Variants in SLIT1 observed in about 807,000 individuals in gnomAD.
The protein encoded by SLIT1 is slit guidance ligand 1.
SLIT1 carries 66 observed loss-of-function variants against 186.1 expected under a neutral mutation model. The ratio of observed to expected loss-of-function variants is 0.35; its 90% CI spans 0.29 to 0.44. The LOEUF (loss-of-function observed/expected upper bound fraction) is 0.44. Ranked by LOEUF, SLIT1 falls within the 20% of genes least tolerant of loss-of-function variation. The probability of loss-of-function intolerance (pLI) is 1.00; values close to 1 mark genes in which losing one functional copy is unlikely to be tolerated. For missense variants in SLIT1, 1,638 were observed against 2,037.4 expected (o/e 0.80, Z 3.77); for synonymous variants, 761 against 833.8 (o/e 0.91, Z 1.50).
intron 4 of SLIT1, 139 bp from the exon 5 acceptor site, chr10:97,066,225 C>T (rs1848944561): frequency 1.5e-6 from 1 of 680,824 alleles, no homozygotes; most frequent in Non-Finnish European, 2.7e-6. Flanking sequence ...GCACCTAGGA[C>T]AGTGCCTGGC....
intron 4 of SLIT1, among the ~76,000 whole-genome samples, chr10:97,071,109 C>T (rs1848997452): frequency 6.6e-6 from 1 of 152,188 alleles, no homozygotes; most frequent in African/African-American, 2.4e-5. Context: ...CAGACTAAGA[C>T]ACACATCAAG....
intron 4 of SLIT1, among the ~76,000 whole-genome samples, chr10:97,105,327 C>T (rs1490528489): frequency 6.6e-6 from 1 of 152,202 alleles, no homozygotes; most frequent in African/African-American, 2.4e-5. Context: ...CAAAAACACA[C>T]ACAAAAAGGC....
intron 25 of SLIT1, among the ~76,000 whole-genome samples, chr10:97,023,787 ACAAAAAT>A (rs1848521376): frequency 6.6e-6 from 1 of 152,204 alleles, no homozygotes; most frequent in South Asian, 2.1e-4. Context: ...TACTAAAAGT[ACAAAAAT>A]TAGCCGGGTG....
At chr10:97,122,382 C>T (rs754199847) in intron 4 of SLIT1, among the ~76,000 whole-genome samples, 1 of 152,172 alleles carries the variant, frequency 6.6e-6, no homozygotes, top group Non-Finnish European at 1.5e-5. Flanking sequence ...CAGATGTGCA[C>T]CCCAGCTCTC....
chr10:97,122,234 G>A lies in SLIT1; in HGVS notation c.413+35584C>T, dbSNP rs538781999. ...ACCAACAGGTTCCCACAACTCCATT[G>A]TAGGCAACTGAAACCCTGTTTTCAA... On this transcript the variant is annotated intron_variant, in intron 4 of 36. Transcript: ENST00000266058. 4.6e-5 allele frequency among the ~76,000 whole-genome samples: 7 copies of A among 152,316 alleles called. 1 individual carries two copies. In the South Asian group the frequency reaches 1.4e-3, roughly 32 times the overall value.
intron 13 of SLIT1, among the ~76,000 whole-genome samples, chr10:97,051,995 C>A (rs1848791797): frequency 6.6e-6 from 1 of 150,936 alleles, no homozygotes; most frequent in South Asian, 2.1e-4. Context: ...TCAAAAGGAA[C>A]AAAGTACTGA....
chr10:97,110,556 C>A (rs1433583038), intron 4 of SLIT1, among the ~76,000 whole-genome samples: 1 of 152,150 alleles, frequency 6.6e-6, no homozygotes, highest in Non-Finnish European at 1.5e-5. Context: ...AAAATAAAAC[C>A]AGCCTCTTAC....
At chr10:97,013,961 G>C in intron 29 of SLIT1, 58 bp downstream of exon 29, 3 of 1,596,148 alleles carry the variant, frequency 1.9e-6, no homozygotes, top group Non-Finnish European at 2.6e-6. Context: ...GAGCATGGGG[G>C]CTCAGGGCTG....
chr10:97,066,068 G>A lies in SLIT1; in HGVS notation c.432C>T (p.Ala144=), dbSNP rs1355696436. 4 of 1,604,996 alleles carry A rather than the reference G, an allele frequency of 2.5e-6. No individual in the cohort carries two copies. Among genetic ancestry groups the A allele is most frequent in the Non-Finnish European group, 3.4e-6 (4 of 1,174,936 alleles). The change falls in exon 5 of 37, where the codon GCC becomes GCT. Residue 144 remains alanine (A), a synonymous_variant. Transcript: ENST00000266058. ...AAGCTTTCCTGGGGATGGCCTGGAT[G>A]GCGTTCTCACTCAAGTCCCTGGGAG... ...ALSRLDLSEN[A]IQAIPRKAFR...
intron 31 of SLIT1, among the ~76,000 whole-genome samples, chr10:97,009,964 G>A (rs969463499): frequency 6.6e-6 from 1 of 152,172 alleles, no homozygotes; most frequent in Non-Finnish European, 1.5e-5. Flanking sequence ...AATAGTGGTG[G>A]GAATTGTGCA....
chr10:97,060,752 G>C lies in SLIT1; in HGVS notation c.829C>G (p.Leu277Val). ...GEAGRVPTCTLSSGSCPAMCT... is the reference protein window; with the variant it reads ...GEAGRVPTCTVSSGSCPAMCT... ...ATGGCCGGGCAGGAGCCGGAGGACA[G>C]GGTGCAGGTGGGCACGCGCCCCGCT... The change falls in exon 9 of 37, where the codon CTG becomes GTG. Residue 277 changes from leucine (L) to valine (V), a missense_variant. Physicochemically the swap from Leu to Val is conservative, Grantham distance 32. Coordinates refer to ENST00000266058, the MANE Select transcript of SLIT1 (RefSeq NM_003061.3). 1 of 1,612,638 alleles carries C rather than the reference G, an allele frequency of 6.2e-7. No homozygotes were observed. Among genetic ancestry groups the C allele is most frequent in the South Asian group, 1.1e-5 (1 of 90,888 alleles).
Position 97,163,461 on chromosome 10 carries a change from C to T in SLIT1, c.270-10G>A, listed in dbSNP as rs776762283. ...GTTCTCCATCAGCTGCCTGGGGAAG[C>T]AAAGAGACAAGGACAGCTACAGGGT... On this transcript the variant is annotated splice_polypyrimidine_tract_variant and intron_variant, in intron 2 of 36. Transcript: ENST00000266058. The T allele has an allele frequency of 1.9e-6, 3 of 1,613,556 alleles. No homozygotes were observed. The highest frequency in any genetic ancestry group is 2.2e-5 in the South Asian group (2 of 91,076).
intron 11 of SLIT1, 68 bp downstream of exon 11, chr10:97,059,392 C>G (rs1352979882): frequency 7.6e-7 from 1 of 1,319,860 alleles, no homozygotes; most frequent in Non-Finnish European, 1.1e-6. Context: ...CCACCAGGAC[C>G]CTGGGCCCTG....
At chr10:97,116,179 T>A (rs2817702) in intron 4 of SLIT1, among the ~76,000 whole-genome samples, 121,528 of 152,076 alleles carry the variant, frequency 0.8, 48,773 homozygotes, top group South Asian at 0.87. Context: ...GTCAGACAGG[T>A]ACTGAATAAG....
At chr10:97,141,964 G>T (rs7072608) in intron 4 of SLIT1, among the ~76,000 whole-genome samples, 10,447 of 151,930 alleles carry the variant, frequency 0.069, 451 homozygotes, top group East Asian at 0.19. Context: ...CACACCCAGC[G>T]AATTTTTTTG....
rs148263507 is a variant in SLIT1 at position 97,027,130 on chromosome 10, T to C, written c.2582+3627A>G. On this transcript the variant is annotated intron_variant, in intron 25 of 36. Transcript: ENST00000266058. ...ACCTTCAGGAACCAGGAACACTGGATGGTAACTCCTGGCTAACCCTCGATT... is the reference window on the plus strand; with the variant it reads ...ACCTTCAGGAACCAGGAACACTGGACGGTAACTCCTGGCTAACCCTCGATT... Among the ~76,000 whole-genome samples, 5 of 152,310 alleles carry C rather than the reference T, an allele frequency of 3.3e-5. No individual in the cohort carries two copies. The East Asian group carries it at 9.6e-4, about 29-fold the overall frequency.
At chr10:97,055,332 G>T (rs1848827027) in intron 13 of SLIT1, among the ~76,000 whole-genome samples, 1 of 152,122 alleles carries the variant, frequency 6.6e-6, no homozygotes, top group South Asian at 2.1e-4. Context: ...TTGGAAGCTG[G>T]GTGATGAAAA....
rs1289550655 is a variant in SLIT1 at position 97,043,177 on chromosome 10, T to C, written c.1998-110A>G. 4.8e-5 allele frequency: 65 copies of C among 1,364,404 alleles called. No homozygotes were observed. Among genetic ancestry groups the C allele is most frequent in the Admixed American group, 7.9e-5 (4 of 50,910 alleles). 84.5% of individuals were successfully genotyped at this position (1,364,404 alleles called of 1,614,324 possible). A position where few individuals can be genotyped will look rare whatever the true frequency, so the allele number is the denominator to read the frequency against. ...GGCCACATGGCCACATGGCACTGTC[T>C]CCCAGACCACCACCCATCACCAAGA... On this transcript the variant is annotated intron_variant, in intron 19 of 36. Transcript: ENST00000266058. The surrounding 1 kb of genome is among the most constrained non-coding windows in gnomAD (Gnocchi z 7.0).
At chr10:97,030,704 C>T (rs1848582987) in intron 25 of SLIT1, 53 bp downstream of exon 25, 1 of 1,446,088 alleles carries the variant, frequency 6.9e-7, no homozygotes, top group Non-Finnish European at 9.7e-7. Flanking sequence ...TTCTCAGAAA[C>T]CAAGTCCTGT....
Sources: gnomAD v4.1 joint callset for allele counts (sites outside exome capture counted in the v4.1 genomes callset) on GRCh38, gnomAD v4.1.1 for gene constraint, Gnocchi (gnomAD v3.1) non-coding constraint, MANE v1.5 for transcripts, NCBI Gene and HGNC (gene_info 2026-07-23, HGNC 2026-07-21) for gene names.